The following FGD3 variants were observed in gnomAD, a reference collection of about 807,000 sequenced individuals.
FGD3 encodes FYVE, RhoGEF and PH domain containing 3, also known as FYVE, RhoGEF and PH domain-containing protein 3.
A neutral mutation model predicts 71.8 loss-of-function variants in FGD3; 45 were observed. The observed-to-expected ratio is 0.63, with a 90% confidence interval of 0.49 to 0.80. The LOEUF is 0.80. Ranked by LOEUF, FGD3 falls within the 30% of genes least tolerant of loss-of-function variation. The pLI is 0.00. For synonymous variants in FGD3, 378 were observed against 392.8 expected (o/e 0.96, Z 0.44); for missense variants, 844 against 951.5 (o/e 0.89, Z 1.49).
intron 1 of FGD3, among the ~76,000 whole-genome samples, chr9:92,949,248 C>G (rs1429132988): frequency 1.3e-5 from 2 of 152,136 alleles, no homozygotes; most frequent in Non-Finnish European, 2.9e-5. Context: ...GGCCTCATCC[C>G]GTGGACCAGT....
chr9:93,012,601 A>G (rs1313132143), intron 8 of FGD3, among the ~76,000 whole-genome samples: 1 of 147,060 alleles, frequency 6.8e-6, no homozygotes, highest in African/African-American at 2.5e-5. Context: ...CATGGCCAAC[A>G]TGGTGAAACC....
intron 3 of FGD3, among the ~76,000 whole-genome samples, chr9:92,979,353 CAATT>C (rs1181995695): frequency 3.3e-5 from 5 of 152,190 alleles, no homozygotes; most frequent in African/African-American, 1.2e-4. Flanking sequence ...TTTTCTGCAT[CAATT>C]GAGATGATCA....
intron 1 of FGD3, among the ~76,000 whole-genome samples, chr9:92,951,327 A>G (rs752345221): frequency 2.0e-5 from 3 of 152,220 alleles, no homozygotes; most frequent in Non-Finnish European, 2.9e-5. Flanking sequence ...GACACAACCC[A>G]TAAGGTAGAA....
intron 1 of FGD3, among the ~76,000 whole-genome samples, chr9:92,953,796 C>CA (rs1170747388): frequency 2.6e-5 from 4 of 152,084 alleles, no homozygotes; most frequent in East Asian, 3.9e-4. Flanking sequence ...AAATGTTTTG[C>CA]AAAAAATGTG....
In FGD3 at chr9:92,969,381, C is replaced by T. The variant is rs1859452355; in HGVS notation, c.-217-5857C>T. Reference sequence around the variant, plus strand: ...CTGTCTTCCCTCCTGACCTGGCCTCCCACATGCTGCCCTCTCTAGTTACAG... The same window carrying T: ...CTGTCTTCCCTCCTGACCTGGCCTCTCACATGCTGCCCTCTCTAGTTACAG... On this transcript the variant is annotated intron_variant, in intron 1 of 17. Coordinates refer to ENST00000375482, the MANE Select transcript of FGD3 (RefSeq NM_001083536.2). The surrounding 1 kb of genome is among the most constrained non-coding windows in gnomAD (Gnocchi z 4.5). Among the ~76,000 whole-genome samples, 1 of 152,204 alleles carries T rather than the reference C, an allele frequency of 6.6e-6. No homozygotes were observed. Among genetic ancestry groups the T allele is most frequent in the African/African-American group, 2.4e-5 (1 of 41,456 alleles).
intron 1 of FGD3, among the ~76,000 whole-genome samples, chr9:92,965,132 T>C (rs957404664): frequency 6.6e-6 from 1 of 152,176 alleles, no homozygotes; most frequent in African/African-American, 2.4e-5. Context: ...GCCACCGTGA[T>C]TGTGCCCACT....
chr9:92,978,896 G>C (rs1859885275), intron 3 of FGD3, among the ~76,000 whole-genome samples: 1 of 148,798 alleles, frequency 6.7e-6, no homozygotes, highest in Admixed American at 6.8e-5. Context: ...GGCTTCCCAA[G>C]TTGTCAGGAT....
At chr9:92,997,139 C>T (rs1488346841) in intron 3 of FGD3, among the ~76,000 whole-genome samples, 1 of 152,118 alleles carries the variant, frequency 6.6e-6, no homozygotes, top group East Asian at 1.9e-4. Flanking sequence ...TAAGGACTTG[C>T]TTTATGAATA....
intron 1 of FGD3, among the ~76,000 whole-genome samples, chr9:92,960,341 C>T (rs1859147177): frequency 6.6e-6 from 1 of 152,120 alleles, no homozygotes; most frequent in African/African-American, 2.4e-5. Flanking sequence ...TGTCCTCATT[C>T]CCCCATGAGG....
At chr9:92,948,598 C>CGT (rs1309948797) in intron 1 of FGD3, among the ~76,000 whole-genome samples, 2 of 152,036 alleles carry the variant, frequency 1.3e-5, no homozygotes, top group African/African-American at 4.8e-5. Flanking sequence ...ACAATGAGTG[C>CGT]GTGTGTGTGT....
At chr9:92,998,501 C>T (rs1860735151) in intron 3 of FGD3, among the ~76,000 whole-genome samples, 1 of 152,168 alleles carries the variant, frequency 6.6e-6, no homozygotes, top group African/African-American at 2.4e-5. Context: ...CTCCTTCCAG[C>T]TTTGTTCCGT....
rs1859522311 is a variant in FGD3 at position 92,971,439 on chromosome 9, G to A, written c.-217-3799G>A. Among the ~76,000 whole-genome samples the A allele has an allele frequency of 1.3e-5, 2 of 151,780 alleles. 1 individual carries two copies. Among genetic ancestry groups the A allele is most frequent in the South Asian group, 4.2e-4 (2 of 4,816 alleles). On this transcript the variant is annotated intron_variant, in intron 1 of 17. Coordinates refer to ENST00000375482, the MANE Select transcript of FGD3 (RefSeq NM_001083536.2). ...CACACACCTCCTCACCTCTCCTCAT[G>A]ATCCATCATGATCCATCCTCCCTTC...
chr9:93,009,882 A>T (rs1159954347), intron 6 of FGD3, among the ~76,000 whole-genome samples: 2 of 152,198 alleles, frequency 1.3e-5, no homozygotes, highest in Non-Finnish European at 2.9e-5. Flanking sequence ...TTCTCAGCAG[A>T]GGGGTCGAAG....
chr9:93,032,845 C>T lies in FGD3; in HGVS notation c.1757C>T (p.Thr586Ile), dbSNP rs777295254. 1.1e-5 allele frequency: 18 copies of T among 1,614,076 alleles called. No homozygotes were observed. The highest frequency in any genetic ancestry group is 1.4e-5 in the Non-Finnish European group (16 of 1,180,038). Residue 586 changes from threonine to isoleucine, a missense_variant, in exon 16 of 18, where the codon ACA (threonine) becomes ATA (isoleucine). By Grantham distance (89) the Thr-to-Ile change is moderately conservative (BLOSUM62 -1). Coordinates refer to ENST00000375482, the MANE Select transcript of FGD3 (RefSeq NM_001083536.2). Reference sequence around the variant, plus strand: ...CGTGTCTGCAGAGATTGTTTCCTGACACAGCCAGTGGCCCCTGAGAGCACA... The same window carrying T: ...CGTGTCTGCAGAGATTGTTTCCTGATACAGCCAGTGGCCCCTGAGAGCACA... ...QSRVCRDCFL[T>I]QPVAPESTEK...
chr9:93,031,561 C>T (rs540004004), intron 15 of FGD3, among the ~76,000 whole-genome samples: 1 of 152,236 alleles, frequency 6.6e-6, no homozygotes, highest in Admixed American at 6.5e-5. Context: ...AGAGAAATTC[C>T]AAAAATAAAA....
Position 93,032,811 on chromosome 9 carries a change from C to T in FGD3, c.1723C>T (p.Arg575Trp), listed in dbSNP as rs767400375. 16 of 1,614,110 alleles carry T rather than the reference C, an allele frequency of 9.9e-6. No homozygotes were observed. Among genetic ancestry groups the T allele is most frequent in the African/African-American group, 2.7e-5 (2 of 74,946 alleles). The change falls in exon 16 of 18, where the codon CGG (arginine) becomes TGG (tryptophan). Residue 575 changes from arginine to tryptophan, a missense_variant. Arg to Trp is a moderately radical substitution (Grantham distance 101, BLOSUM62 -3). Transcript: ENST00000375482. The part of the protein sequence containing the change: ...KCSEFKAENS[R>W]QSRVCRDCFL... ...CTCCGAGTTCAAGGCCGAGAACAGC[C>T]GGCAGAGCCGTGTCTGCAGAGATTG... is the stretch of plus-strand genomic sequence containing the variant.
Position 93,003,920 on chromosome 9 carries a change from CT to C in FGD3, c.544-80del, listed in dbSNP as rs1860948871. 6.3e-7 allele frequency: 1 copy of C among 1,576,818 alleles called. No individual in the cohort carries two copies. Among genetic ancestry groups the C allele is most frequent in the African/African-American group, 1.3e-5 (1 of 74,268 alleles). On this transcript the variant is annotated intron_variant, in intron 4 of 17. Transcript: ENST00000375482. This position sits in a 1 kb window ranked among gnomAD's most constrained non-coding sequence, Gnocchi z 4.1. ...GCAGCAGCGGCCCCTCCCGAGCGCC[CT>C]CACCTGTGGCCGAAGCGGGGCGGCA...
intron 14 of FGD3, 40 bp downstream of exon 14, chr9:93,022,429 C>T (rs1435872746): frequency 6.2e-7 from 1 of 1,601,604 alleles, no homozygotes; most frequent in Non-Finnish European, 8.5e-7. Context: ...GGGTGAAAGG[C>T]AGAGCAGGGG....
At chr9:92,995,703 G>A (rs1440116593) in intron 3 of FGD3, among the ~76,000 whole-genome samples, 1 of 152,072 alleles carries the variant, frequency 6.6e-6, no homozygotes, top group Non-Finnish European at 1.5e-5. Context: ...GAATTTTGTT[G>A]AAGGCCTTTT....
Sources: gnomAD v4.1 joint callset for allele counts (sites outside exome capture counted in the v4.1 genomes callset) on GRCh38, gnomAD v4.1.1 for gene constraint, Gnocchi (gnomAD v3.1) non-coding constraint, MANE v1.5 for transcripts, NCBI Gene and HGNC (gene_info 2026-07-23, HGNC 2026-07-21) for gene names.